The following LHFPL2 variants were observed in gnomAD, a reference collection of about 807,000 sequenced individuals.
The protein encoded by LHFPL2 is LHFPL tetraspan subfamily member 2 protein.
LHFPL2 carries 7 observed loss-of-function variants against 17.5 expected under a neutral mutation model. The ratio of observed to expected loss-of-function variants is 0.40; its 90% CI spans 0.23 to 0.75. The LOEUF (loss-of-function observed/expected upper bound fraction) is 0.75, where lower values mean the gene tolerates loss of function less well. Ranked by LOEUF, LHFPL2 falls within the 30% of genes least tolerant of loss-of-function variation. The probability of loss-of-function intolerance (pLI) is 0.37; values close to 1 mark genes in which losing one functional copy is unlikely to be tolerated. For missense variants in LHFPL2, 241 were observed against 294.8 expected (o/e 0.82, Z 1.34); for synonymous variants, 134 against 116.2 (o/e 1.15, Z -0.99).
intron 2 of LHFPL2, among the ~76,000 whole-genome samples, chr5:78,617,123 G>A (rs1412606976): frequency 6.6e-6 from 1 of 152,002 alleles, no homozygotes; most frequent in Non-Finnish European, 1.5e-5. Context: ...CCGCCTCCCA[G>A]GTTCAGGCGA....
At chr5:78,512,241 C>T (rs187249770) in intron 3 of LHFPL2, among the ~76,000 whole-genome samples, 5 of 152,036 alleles carry the variant, frequency 3.3e-5, no homozygotes, top group South Asian at 2.1e-4. Context: ...TAGAGATGGA[C>T]GAAGTCATTC....
intron 2 of LHFPL2, among the ~76,000 whole-genome samples, chr5:78,593,435 C>T (rs1358536003): frequency 1.3e-5 from 2 of 152,050 alleles, no homozygotes; most frequent in Admixed American, 6.5e-5. Flanking sequence ...CTGTCTCTCC[C>T]GAGCACCTCT....
chr5:78,498,505 T>C (rs1043609387), intron 4 of LHFPL2, among the ~76,000 whole-genome samples: 1 of 152,190 alleles, frequency 6.6e-6, no homozygotes, highest in African/African-American at 2.4e-5. Context: ...CAACTGTTGC[T>C]AGGTGGAGAT....
chr5:78,535,824 T>A (rs1755932471), intron 3 of LHFPL2, among the ~76,000 whole-genome samples: 1 of 152,148 alleles, frequency 6.6e-6, no homozygotes, highest in Admixed American at 6.5e-5. Context: ...ACATTTCACA[T>A]GACAACAGGT....
chr5:78,586,589 A>G (rs1054415249), intron 2 of LHFPL2, among the ~76,000 whole-genome samples: 1 of 152,188 alleles, frequency 6.6e-6, no homozygotes, highest in South Asian at 2.1e-4. Flanking sequence ...TGTAACGAAG[A>G]CCACCACTTG....
chr5:78,509,867 A>G lies in LHFPL2; in HGVS notation c.347T>C (p.Leu116Ser). The G allele has an allele frequency of 6.2e-7, 1 of 1,614,000 alleles. No individual in the cohort carries two copies. Among genetic ancestry groups the G allele is most frequent in the Non-Finnish European group, 8.5e-7 (1 of 1,180,034 alleles). The change falls in exon 4 of 5, where the codon TTG becomes TCG. Residue 116 changes from leucine (L) to serine (S), a missense_variant. Physicochemically the swap from Leu to Ser is moderately radical, Grantham distance 145 (BLOSUM62 -2). Coordinates refer to ENST00000380345, the MANE Select transcript of LHFPL2 (RefSeq NM_005779.3). ...TACACACATGGTGAAGACGGACACCAAGGCCACCATGCAGAGAATAAAGAT... is the reference window on the plus strand; with the variant it reads ...TACACACATGGTGAAGACGGACACCGAGGCCACCATGCAGAGAATAAAGAT... ...VGIFILCMVA[L>S]VSVFTMCVQS...
At chr5:78,501,649 A>G (rs1580749337) in intron 4 of LHFPL2, among the ~76,000 whole-genome samples, 1 of 152,294 alleles carries the variant, frequency 6.6e-6, no homozygotes, top group Middle Eastern at 3.4e-3. Flanking sequence ...ATATTGCACT[A>G]CAGTCCCAAA....
At chr5:78,553,665 A>C (rs749077892) in intron 3 of LHFPL2, among the ~76,000 whole-genome samples, 1 of 152,220 alleles carries the variant, frequency 6.6e-6, no homozygotes, top group Non-Finnish European at 1.5e-5. Flanking sequence ...CTTCAGGTCC[A>C]CTGACAGCAC....
At chr5:78,598,355 A>T (rs1743896912) in intron 2 of LHFPL2, among the ~76,000 whole-genome samples, 1 of 152,262 alleles carries the variant, frequency 6.6e-6, no homozygotes, top group Admixed American at 6.5e-5. Context: ...GGAATGTCAA[A>T]TCTGACTCCT....
At chr5:78,489,281 G>T in intron 4 of LHFPL2, 128 bp from the exon 5 acceptor site, 2 of 1,017,500 alleles carry the variant, frequency 2.0e-6, no homozygotes, top group Non-Finnish European at 2.9e-6. Flanking sequence ...AAAGTGTTGG[G>T]ACTGTTTCAT....
Position 78,486,348 on chromosome 5 carries a change from A to AAAAT in LHFPL2, c.*2545_*2548dup, listed in dbSNP as rs371354019. 6.6e-6 allele frequency: 1 copy of AAAAT among 152,258 alleles called. No homozygotes were observed. Among genetic ancestry groups the AAAAT allele is most frequent in the Non-Finnish European group, 1.5e-5 (1 of 68,034 alleles). The allele number at this position is 152,258 out of a possible 1,614,324, so 9.4% of individuals were successfully genotyped here. On this transcript the variant is annotated 3_prime_UTR_variant, in exon 5 of 5. Coordinates refer to ENST00000380345, the MANE Select transcript of LHFPL2 (RefSeq NM_005779.3). Reference sequence around the variant, plus strand: ...GACTTTCTTTAAGCCAATTTCAGGCAAAATAAATAAGACTTTCCTGGTAGT... The same window carrying AAAAT: ...GACTTTCTTTAAGCCAATTTCAGGCAAAATAAATAAATAAGACTTTCCTGGTAGT...
chr5:78,570,196 T>C (rs1210757814), intron 2 of LHFPL2, among the ~76,000 whole-genome samples: 2 of 152,190 alleles, frequency 1.3e-5, no homozygotes, highest in Non-Finnish European at 2.9e-5. Flanking sequence ...CATAAATGTT[T>C]ACTGAATAAA....
chr5:78,589,995 A>T (rs1018544979), intron 2 of LHFPL2: 1 of 152,132 alleles, frequency 6.6e-6, no homozygotes, highest in South Asian at 2.1e-4. Context: ...ATGTAAGACC[A>T]CCTCTTGTAA....
intron 2 of LHFPL2, among the ~76,000 whole-genome samples, chr5:78,592,640 A>G (rs1286713611): frequency 1.4e-5 from 1 of 73,746 alleles, no homozygotes; most frequent in African/African-American, 4.1e-5. Context: ...ACACACACAC[A>G]TTACTCTTCA....
intron 2 of LHFPL2, among the ~76,000 whole-genome samples, chr5:78,596,761 G>A (rs1247723624): frequency 1.3e-5 from 2 of 152,170 alleles, no homozygotes; most frequent in African/African-American, 4.8e-5. Flanking sequence ...AGCCCAGCAA[G>A]CCACATTCTG....
At chr5:78,597,395 C>T (rs1743861514) in intron 2 of LHFPL2, among the ~76,000 whole-genome samples, 1 of 152,126 alleles carries the variant, frequency 6.6e-6, no homozygotes, top group South Asian at 2.1e-4. Context: ...CTAATTTTTT[C>T]CCAAACCTAG....
chr5:78,610,001 G>A (rs943572389), intron 2 of LHFPL2, among the ~76,000 whole-genome samples: 1 of 152,118 alleles, frequency 6.6e-6, no homozygotes, highest in Non-Finnish European at 1.5e-5. Flanking sequence ...CAGCATTAAT[G>A]GGAATCACCT....
At chr5:78,559,853 C>A (rs376868662) in intron 3 of LHFPL2, among the ~76,000 whole-genome samples, 38 of 152,300 alleles carry the variant, frequency 2.5e-4, no homozygotes, top group Non-Finnish European at 4.6e-4. Flanking sequence ...GGAAAAGCCA[C>A]CTTTCTTCAG....
intron 4 of LHFPL2, among the ~76,000 whole-genome samples, chr5:78,502,713 TA>T (rs35635049): frequency 0.8 from 121,949 of 152,098 alleles, 49,322 homozygotes; most frequent in East Asian, 0.92. Flanking sequence ...ACATAGTTAC[TA>T]AAGCTATGGA....
Sources: allele counts gnomAD v4.1 joint callset (sites outside exome capture counted in the v4.1 genomes callset), GRCh38; gene constraint gnomAD v4.1.1; transcripts MANE v1.5; gene names NCBI Gene and HGNC (gene_info 2026-07-23, HGNC 2026-07-21).